GRID1: variants seen among roughly 807,000 people sequenced by gnomAD.
GRID1 encodes the protein glutamate ionotropic receptor delta type subunit 1.
GRID1 carries 28 observed loss-of-function variants against 98.0 expected under a neutral mutation model. The ratio of observed to expected loss-of-function variants is 0.29; its 90% CI spans 0.21 to 0.39. The LOEUF (loss-of-function observed/expected upper bound fraction) is 0.39, where lower values mean the gene tolerates loss of function less well. Ranked by LOEUF, GRID1 falls within the 10% of genes least tolerant of loss-of-function variation. The pLI, the probability that GRID1 is intolerant of heterozygous loss-of-function variation, is 1.00. For synonymous variants in GRID1, 553 were observed against 538.5 expected (o/e 1.03, Z -0.37); for missense variants, 1,111 against 1,340.5 (o/e 0.83, Z 2.67).
chr10:86,086,395 C>T (rs993363771), intron 4 of GRID1, among the ~76,000 whole-genome samples: 1 of 152,122 alleles, frequency 6.6e-6, no homozygotes, highest in Admixed American at 6.5e-5. Context: ...CAAACACTTC[C>T]GCACCCATTG....
intron 3 of GRID1, among the ~76,000 whole-genome samples, chr10:86,150,040 C>T (rs1413003342): frequency 6.6e-6 from 1 of 152,218 alleles, no homozygotes; most frequent in Admixed American, 6.5e-5. Context: ...TCACCTTTCA[C>T]TTACGAGGTA....
At chr10:86,132,043 G>A (rs1280604758) in intron 4 of GRID1, among the ~76,000 whole-genome samples, 1 of 152,174 alleles carries the variant, frequency 6.6e-6, no homozygotes, top group East Asian at 1.9e-4. Flanking sequence ...TCTGGGATGA[G>A]GTGGCAATGG....
intron 2 of GRID1, among the ~76,000 whole-genome samples, chr10:86,299,712 G>A (rs1365788088): frequency 6.6e-6 from 1 of 152,136 alleles, no homozygotes; most frequent in Admixed American, 6.5e-5. Flanking sequence ...AGAAAATCCA[G>A]GGCTTGTGCC....
chr10:86,341,717 C>T (rs184080113), intron 2 of GRID1, among the ~76,000 whole-genome samples: 2 of 152,292 alleles, frequency 1.3e-5, no homozygotes, highest in African/African-American at 2.4e-5. Context: ...GTGGGGTAGA[C>T]GCACAGCTCT....
chr10:85,992,787 AAATAAT>A (rs910986377), intron 4 of GRID1, among the ~76,000 whole-genome samples: 2 of 151,666 alleles, frequency 1.3e-5, no homozygotes, highest in African/African-American at 4.8e-5. Context: ...CTGTCTCTAA[AAATAAT>A]AATAATAATA....
intron 3 of GRID1, among the ~76,000 whole-genome samples, chr10:86,161,052 A>G (rs1326803639): frequency 6.6e-6 from 1 of 152,160 alleles, no homozygotes; most frequent in African/African-American, 2.4e-5. Context: ...GCTCTCAGGA[A>G]AGCTGTGCAT....
intron 3 of GRID1, among the ~76,000 whole-genome samples, chr10:86,204,933 C>A (rs571931329): frequency 3.6e-4 from 54 of 148,384 alleles, no homozygotes; most frequent in African/African-American, 1.2e-3. Context: ...TCCCTGCAGG[C>A]AGCTCGGGGC....
At chr10:85,657,675 C>A (rs1232663955) in intron 12 of GRID1, among the ~76,000 whole-genome samples, 2 of 152,244 alleles carry the variant, frequency 1.3e-5, no homozygotes, top group Non-Finnish European at 2.9e-5. Flanking sequence ...TGGCCCTGAG[C>A]CAGGAGGCAC....
chr10:86,115,905 C>T (rs1844569679), intron 4 of GRID1, among the ~76,000 whole-genome samples: 1 of 152,156 alleles, frequency 6.6e-6, no homozygotes, highest in African/African-American at 2.4e-5. Flanking sequence ...TTTACTGTAC[C>T]TTTTCTGTTT....
At chr10:85,748,169 C>T (rs1303012850) in intron 8 of GRID1, among the ~76,000 whole-genome samples, 1 of 151,914 alleles carries the variant, frequency 6.6e-6, no homozygotes, top group Non-Finnish European at 1.5e-5. Context: ...CTCAGACATT[C>T]AAACATTCAG....
At chr10:85,857,581 C>T (rs1161869652) in intron 6 of GRID1, among the ~76,000 whole-genome samples, 1 of 152,142 alleles carries the variant, frequency 6.6e-6, no homozygotes, top group African/African-American at 2.4e-5. Context: ...GGCGAGGTAG[C>T]GTCCACCCTC....
intron 2 of GRID1, among the ~76,000 whole-genome samples, chr10:86,279,886 A>T (rs1847332789): frequency 6.6e-6 from 1 of 152,224 alleles, no homozygotes; most frequent in East Asian, 1.9e-4. Context: ...AAAACCAATA[A>T]GTAAGTTTAG....
chr10:85,630,800 CTA>C (rs1423325047), intron 13 of GRID1, among the ~76,000 whole-genome samples: 1 of 152,164 alleles, frequency 6.6e-6, no homozygotes, highest in Non-Finnish European at 1.5e-5. Flanking sequence ...GTCCAAAATG[CTA>C]TGTTTTAATA....
chr10:85,851,724 G>C (rs113177031), intron 8 of GRID1, among the ~76,000 whole-genome samples: 19 of 152,060 alleles, frequency 1.2e-4, no homozygotes, highest in African/African-American at 4.3e-4. Flanking sequence ...AGCATCACAG[G>C]ATCTAGGAGT....
At chr10:86,062,540 G>A (rs1236014777) in intron 4 of GRID1, among the ~76,000 whole-genome samples, 1 of 152,128 alleles carries the variant, frequency 6.6e-6, no homozygotes, top group East Asian at 1.9e-4. Flanking sequence ...CTCATTTCAA[G>A]GTCTGCTTGG....
chr10:86,085,325 G>A (rs978591887), intron 4 of GRID1, among the ~76,000 whole-genome samples: 4 of 152,308 alleles, frequency 2.6e-5, no homozygotes, highest in Admixed American at 2.6e-4. Context: ...GCCATTCCGT[G>A]GACCTCCAGT....
chr10:85,613,461 A>G lies in GRID1; in HGVS notation c.2547T>C (p.Ala849=), dbSNP rs1564677389. The G allele has an allele frequency of 1.1e-5, 17 of 1,613,992 alleles. No homozygotes were observed. Among genetic ancestry groups the G allele is most frequent in the Non-Finnish European group, 1.4e-5 (16 of 1,180,014 alleles). Residue 849 remains alanine (A), a synonymous_variant, in exon 15 of 16, where the codon GCT becomes GCC. Transcript: ENST00000327946. Reference sequence around the variant, plus strand: ...TGCTGTTCCACCACAACTCCAGGGCAGCCACCAGGCAGGCCAGGAGCAGGC... The same window carrying G: ...TGCTGTTCCACCACAACTCCAGGGCGGCCACCAGGCAGGCCAGGAGCAGGC... ...AIGLLLACLV[A]ALELWWNSNR...
intron 2 of GRID1, among the ~76,000 whole-genome samples, chr10:86,279,794 A>G (rs1847330668): frequency 6.6e-6 from 1 of 152,218 alleles, no homozygotes; most frequent in Admixed American, 6.5e-5. Flanking sequence ...AATTGGGAAA[A>G]AGCAAAACTG....
At chr10:85,998,865 C>T (rs541879859) in intron 4 of GRID1, among the ~76,000 whole-genome samples, 2 of 152,362 alleles carry the variant, frequency 1.3e-5, no homozygotes, top group East Asian at 3.9e-4. Flanking sequence ...CTACAAACAA[C>T]TCTGTACACT....
Sources: gnomAD v4.1 joint callset for allele counts (sites outside exome capture counted in the v4.1 genomes callset) on GRCh38, gnomAD v4.1.1 for gene constraint, MANE v1.5 for transcripts, NCBI Gene and HGNC (gene_info 2026-07-23, HGNC 2026-07-21) for gene names.